The following ZHX2 variants were observed in gnomAD, a reference collection of about 807,000 sequenced individuals.
ZHX2 encodes the protein zinc fingers and homeoboxes protein 2.
In ZHX2, 6 loss-of-function variants were observed where a neutral mutation model predicts 21.9. That is an observed-to-expected ratio of 0.27 (90% CI 0.15 to 0.54). The LOEUF is 0.54. ZHX2 is among the 20% of genes least tolerant of loss of function. ZHX2 has a pLI of 0.95. For missense variants in ZHX2, 908 were observed against 1,090.7 expected, an observed-to-expected ratio of 0.83 and a Z score of 2.36; for synonymous variants, 434 against 437.1, an observed-to-expected ratio of 0.99 and a Z score of 0.09.
intron 3 of ZHX2, among the ~76,000 whole-genome samples, chr8:122,955,737 G>A (rs1176528378): frequency 1.3e-5 from 2 of 151,764 alleles, no homozygotes; most frequent in Admixed American, 6.6e-5. Context: ...AGGTCACAAT[G>A]ACAGCAACTT....
chr8:122,876,108 C>T (rs1298809113), intron 2 of ZHX2, among the ~76,000 whole-genome samples: 1 of 144,828 alleles, frequency 6.9e-6, no homozygotes, highest in Non-Finnish European at 1.5e-5. Flanking sequence ...CCTACTCACT[C>T]ATCCATCCAT....
intron 2 of ZHX2, among the ~76,000 whole-genome samples, chr8:122,879,022 T>C (rs1321628293): frequency 3.3e-5 from 5 of 152,114 alleles, no homozygotes; most frequent in Admixed American, 3.3e-4. Flanking sequence ...CTCTTCGTAG[T>C]GCCAGGGTTG....
intron 3 of ZHX2, among the ~76,000 whole-genome samples, chr8:122,955,075 G>C (rs961560622): frequency 1.4e-4 from 19 of 137,604 alleles, no homozygotes; most frequent in South Asian, 5.1e-4. Flanking sequence ...AAGCCGGGGG[G>C]GGGGGGGTGG....
At chr8:122,971,995 C>G (rs1365857687) in intron 3 of ZHX2, among the ~76,000 whole-genome samples, 1 of 152,160 alleles carries the variant, frequency 6.6e-6, no homozygotes, top group Non-Finnish European at 1.5e-5. Context: ...TGTTCTGTGC[C>G]CATCTCCCAG....
Position 122,953,271 on chromosome 8 carries a change from G to A in ZHX2, c.1761G>A (p.Met587Ile), listed in dbSNP as rs762581966. ...FSERRKLRDSMEQAVLDSMGS... is the reference protein window; with the variant it reads ...FSERRKLRDSIEQAVLDSMGS... The stretch of plus-strand genomic sequence containing the variant: ...AGAGGCGGAAGCTTCGAGACAGCAT[G>A]GAACAAGCTGTCTTGGATTCCATGG... Residue 587 changes from methionine to isoleucine, a missense_variant, in exon 3 of 4, where the codon ATG (methionine) becomes ATA (isoleucine). Coordinates refer to ENST00000314393, the MANE Select transcript of ZHX2 (RefSeq NM_014943.5). The surrounding 1 kb of genome is among the most constrained non-coding windows in gnomAD (Gnocchi z 4.6). 3 of 1,614,128 alleles carry A rather than the reference G, an allele frequency of 1.9e-6. No homozygotes were observed. The highest frequency in any genetic ancestry group is 1.7e-6 in the Non-Finnish European group (2 of 1,180,034).
chr8:122,973,805 C>T lies in ZHX2; in HGVS notation c.*568C>T, dbSNP rs1263862948. The T allele has an allele frequency of 2.0e-5, 3 of 152,508 alleles. No homozygotes were observed. The highest frequency in any genetic ancestry group is 7.2e-5 in the African/African-American group (3 of 41,380). 9.4% of individuals were successfully genotyped at this position (152,508 alleles called of 1,614,324 possible). A position where few individuals can be genotyped will look rare whatever the true frequency, so the allele number is the denominator to read the frequency against. ...CGGCAGGAAGGGCTGAAATCCAGGC[C>T]CCTGTCTCAACTTGGAGAGAGGTGA... On this transcript the variant is annotated 3_prime_UTR_variant, in exon 4 of 4. Transcript: ENST00000314393.
intron 2 of ZHX2, among the ~76,000 whole-genome samples, chr8:122,887,246 G>A (rs1819865124): frequency 6.6e-6 from 1 of 152,124 alleles, no homozygotes; most frequent in Non-Finnish European, 1.5e-5. Flanking sequence ...GGGCGTGGTG[G>A]CTCACGCCTG....
intron 2 of ZHX2, among the ~76,000 whole-genome samples, chr8:122,917,724 C>T: frequency 6.6e-6 from 1 of 152,172 alleles, no homozygotes; most frequent in East Asian, 1.9e-4. Context: ...CCCAAAACCC[C>T]TTGGGCCTTG....
intron 2 of ZHX2, among the ~76,000 whole-genome samples, chr8:122,891,645 G>A (rs747113774): frequency 6.6e-6 from 1 of 152,104 alleles, no homozygotes; most frequent in Non-Finnish European, 1.5e-5. Context: ...TTTGGCTCAA[G>A]AAATGTGTCA....
intron 1 of ZHX2, among the ~76,000 whole-genome samples, chr8:122,786,789 G>A (rs1231379060): frequency 1.3e-5 from 2 of 150,226 alleles, no homozygotes; most frequent in African/African-American, 2.5e-5. Flanking sequence ...CCACACGTAC[G>A]GTACCAGCAC....
At chr8:122,861,545 A>G (rs1247067491) in intron 1 of ZHX2, among the ~76,000 whole-genome samples, 1 of 152,038 alleles carries the variant, frequency 6.6e-6, no homozygotes, top group Non-Finnish European at 1.5e-5. Context: ...AATTCACCTT[A>G]CAAGCAGAGT....
intron 1 of ZHX2, among the ~76,000 whole-genome samples, chr8:122,858,340 G>A (rs143432720): frequency 6.6e-5 from 10 of 152,358 alleles, no homozygotes; most frequent in African/African-American, 2.2e-4. Context: ...AACTTCGTAA[G>A]AGGGAGTGAC....
At chr8:122,946,280 T>C (rs1812974160) in intron 2 of ZHX2, among the ~76,000 whole-genome samples, 1 of 152,166 alleles carries the variant, frequency 6.6e-6, no homozygotes, top group African/African-American at 2.4e-5. Context: ...ACCAACATGC[T>C]ACTATCCTTT....
intron 1 of ZHX2, chr8:122,808,929 T>C (rs578155878): frequency 6.6e-6 from 1 of 152,344 alleles, no homozygotes; most frequent in African/African-American, 2.4e-5. Context: ...TTTTCTCCAG[T>C]AATAGCTATA....
intron 1 of ZHX2, among the ~76,000 whole-genome samples, chr8:122,856,358 C>T (rs1448568010): frequency 6.6e-6 from 1 of 152,230 alleles, no homozygotes; most frequent in Non-Finnish European, 1.5e-5. Flanking sequence ...CCAGGCACAG[C>T]TTTCTGGGAG....
At chr8:122,955,643 A>T (rs550984438) in intron 3 of ZHX2, among the ~76,000 whole-genome samples, 1 of 152,146 alleles carries the variant, frequency 6.6e-6, no homozygotes, top group South Asian at 2.1e-4. Flanking sequence ...TCCCACTTGC[A>T]GGAGGAAATG....
At chr8:122,860,758 G>A (rs1397335624) in intron 1 of ZHX2, among the ~76,000 whole-genome samples, 4 of 151,998 alleles carry the variant, frequency 2.6e-5, no homozygotes, top group Admixed American at 6.6e-5. Flanking sequence ...AGAGAGGGTC[G>A]GGCGTGGTGG....
chr8:122,804,785 T>C (rs1817791696), intron 1 of ZHX2, among the ~76,000 whole-genome samples: 2 of 152,194 alleles, frequency 1.3e-5, no homozygotes, highest in African/African-American at 4.8e-5. Flanking sequence ...TGGGGTTACC[T>C]GCCCATCTGT....
chr8:122,837,769 A>T (rs556798249), intron 1 of ZHX2, among the ~76,000 whole-genome samples: 2 of 152,324 alleles, frequency 1.3e-5, no homozygotes, highest in Non-Finnish European at 2.9e-5. Context: ...CAGCATTCAC[A>T]CTTGCCAACA....
Sources: gnomAD v4.1 joint callset for allele counts (sites outside exome capture counted in the v4.1 genomes callset) on GRCh38, gnomAD v4.1.1 for gene constraint, Gnocchi (gnomAD v3.1) non-coding constraint, MANE v1.5 for transcripts, NCBI Gene and HGNC (gene_info 2026-07-23, HGNC 2026-07-21) for gene names.